TBC1D21: variants seen among roughly 807,000 people sequenced by gnomAD.
TBC1D21 encodes TBC1 domain family member 21.
A neutral mutation model predicts 46.0 loss-of-function variants in TBC1D21; 38 were observed. That is an observed-to-expected ratio of 0.83 (90% confidence interval 0.64 to 1.08). The LOEUF is 1.08. Ranked by LOEUF, TBC1D21 falls within the 50% of genes least tolerant of loss-of-function variation. The probability of loss-of-function intolerance (pLI) is 0.00; values close to 1 mark genes in which losing one functional copy is unlikely to be tolerated. For synonymous variants in TBC1D21, 151 were observed against 157.2 expected (o/e 0.96, Z 0.29); for missense variants, 415 against 417.9 (o/e 0.99, Z 0.06).
chr15:73,886,694 C>G, intron 8 of TBC1D21, 82 bp downstream of exon 8: 4 of 1,314,486 alleles, frequency 3.0e-6, no homozygotes, highest in Non-Finnish European at 4.4e-6. Context: ...TTGCCTCCCC[C>G]TTTCTTCCTG....
chr15:73,896,636 G>A, the TBC1D21 span, among the ~76,000 whole-genome samples: 1 of 152,126 alleles, frequency 6.6e-6, no homozygotes, highest in Non-Finnish European at 1.5e-5. Context: ...AGAGATACAA[G>A]GTCTGTTGTG....
intron 6 of TBC1D21, among the ~76,000 whole-genome samples, chr15:73,885,805 T>TACAC (rs1222395214): frequency 5.8e-4 from 62 of 106,994 alleles, no homozygotes; most frequent in African/African-American, 1.9e-3. Flanking sequence ...GAATCTCTAC[T>TACAC]ACACACACAT....
At chr15:73,903,428 C>T in the TBC1D21 span, among the ~76,000 whole-genome samples, 1 of 152,208 alleles carries the variant, frequency 6.6e-6, no homozygotes, top group African/African-American at 2.4e-5. Flanking sequence ...CTGTTCTGTA[C>T]ACTCAGAGGG....
chr15:73,875,606 C>G (rs2068046917), intron 1 of TBC1D21, among the ~76,000 whole-genome samples: 1 of 152,154 alleles, frequency 6.6e-6, no homozygotes, highest in Non-Finnish European at 1.5e-5. Flanking sequence ...CACTTCTGGT[C>G]CCCTTCCCCA....
chr15:73,888,578 CCTCTTCCTCCTCCTCCTCCTCCTCCT>C (rs2068297141), intron 10 of TBC1D21, 65 bp downstream of exon 10: 2 of 1,057,862 alleles, frequency 1.9e-6, no homozygotes, highest in African/African-American at 3.7e-5. Flanking sequence ...TCCTCCTCCT[CCTCTTCCTCCTCCTCCTCCTCCTCCT>C]CTTCTTCCTC....
intron 1 of TBC1D21, among the ~76,000 whole-genome samples, chr15:73,880,788 A>G (rs937098456): frequency 1.3e-5 from 2 of 152,216 alleles, no homozygotes; most frequent in African/African-American, 2.4e-5. Context: ...AAAATACAAG[A>G]AAAAGGATAA....
chr15:73,881,060 T>C (rs2141561407), intron 1 of TBC1D21, among the ~76,000 whole-genome samples: 1 of 152,350 alleles, frequency 6.6e-6, no homozygotes, highest in South Asian at 2.1e-4. Context: ...TGTTAACATT[T>C]GTATTTTTTC....
chr15:73,899,077 G>A, the TBC1D21 span, among the ~76,000 whole-genome samples: 16 of 151,766 alleles, frequency 1.1e-4, no homozygotes, highest in African/African-American at 2.7e-4. Context: ...TCAGAAGCGC[G>A]TGTGGCTAGC....
At chr15:73,899,853 A>G in the TBC1D21 span, among the ~76,000 whole-genome samples, 2 of 152,304 alleles carry the variant, frequency 1.3e-5, no homozygotes, top group Non-Finnish European at 2.9e-5. Flanking sequence ...AAACATAGGC[A>G]GGAACGCAGA....
intron 1 of TBC1D21, among the ~76,000 whole-genome samples, chr15:73,874,679 A>G (rs1360474748): frequency 6.6e-6 from 1 of 151,720 alleles, no homozygotes; most frequent in African/African-American, 2.4e-5. Context: ...ATTAGCACCA[A>G]CTGGGAACTT....
chr15:73,900,380 C>T, the TBC1D21 span, among the ~76,000 whole-genome samples: 4 of 152,232 alleles, frequency 2.6e-5, no homozygotes, highest in South Asian at 2.1e-4. Flanking sequence ...TAACCATGCA[C>T]GGCAGTCCTG....
downstream of TBC1D21, among the ~76,000 whole-genome samples, chr15:73,892,985 G>A (rs2068349448): frequency 1.3e-5 from 2 of 152,198 alleles, no homozygotes; most frequent in Admixed American, 6.5e-5. Flanking sequence ...GAGGTGTGAT[G>A]TCATTTATGA....
chr15:73,890,920 C>T (rs1165774523), downstream of TBC1D21, among the ~76,000 whole-genome samples: 1 of 152,104 alleles, frequency 6.6e-6, no homozygotes, highest in Non-Finnish European at 1.5e-5. Context: ...GTGTTATCTG[C>T]AAGGAGCCTC....
At position 73,881,499 on chromosome 15, in the gene TBC1D21, T is replaced by C. The variant is rs754017631; in HGVS notation, c.161T>C (p.Leu54Pro). The C allele has an allele frequency of 1.2e-5, 19 of 1,613,968 alleles. No individual in the cohort carries two copies. The highest frequency in any genetic ancestry group is 1.5e-5 in the Non-Finnish European group (18 of 1,179,952). ...KSRDFICVNI[L>P]ERGLHPFVRT... ...CGGGACTTCATTTGTGTTAACATCC[T>C]GGAAAGGGTGGGTCCCCAAGCTACC... is the stretch of plus-strand genomic sequence containing the variant. The change falls in exon 2 of 11, where the codon CTG (leucine) becomes CCG (proline). Residue 54 changes from leucine to proline, a missense_variant. By Grantham distance (98) the Leu-to-Pro change is moderately conservative (BLOSUM62 -3). Transcript: ENST00000300504.
At chr15:73,874,787 A>G (rs2068028801) in intron 1 of TBC1D21, among the ~76,000 whole-genome samples, 1 of 152,248 alleles carries the variant, frequency 6.6e-6, no homozygotes, top group Admixed American at 6.5e-5. Flanking sequence ...CCTCCAGGGC[A>G]CTGTGATGCA....
At chr15:73,885,142 AC>A (rs761853084) in intron 6 of TBC1D21, 39 bp downstream of exon 6, 16 of 1,544,690 alleles carry the variant, frequency 1.0e-5, no homozygotes, top group Admixed American at 1.0e-4. Flanking sequence ...CCCCTCCCCA[AC>A]CCCCCACTAC....
At chr15:73,888,370 A>G in intron 9 of TBC1D21, 60 bp from the exon 10 acceptor site, 1 of 1,446,738 alleles carries the variant, frequency 6.9e-7, no homozygotes, top group Non-Finnish European at 9.6e-7. Context: ...CATGTGCCCA[A>G]GAGTGCTGGG....
rs755555329 is a variant in TBC1D21 at position 73,876,250 on chromosome 15, C to T, written c.60+2481C>T. Among the ~76,000 whole-genome samples the T allele has an allele frequency of 4.6e-3, 172 of 37,608 alleles. 5 individuals are homozygous for T. The East Asian group carries it at 0.16, about 35-fold the overall frequency. The allele number at this position is 37,608 out of a possible 152,430, so 24.7% of individuals were successfully genotyped here. A position where few individuals can be genotyped will look rare whatever the true frequency, so the allele number is the denominator to read the frequency against. ...TTTTTTTTTTTTTTTTTTTTTGAGA[C>T]GGAGTCTTGCTCTGTCACCCAGGCT... On this transcript the variant is annotated intron_variant, in intron 1 of 10. Transcript: ENST00000300504.
intron 1 of TBC1D21, among the ~76,000 whole-genome samples, chr15:73,875,382 T>C (rs1380371976): frequency 6.6e-6 from 1 of 151,872 alleles, no homozygotes; most frequent in Non-Finnish European, 1.5e-5. Context: ...CCCTGGGCTT[T>C]ATTGGAGGTT....
Sources: gnomAD v4.1 joint callset for allele counts (sites outside exome capture counted in the v4.1 genomes callset) on GRCh38, gnomAD v4.1.1 for gene constraint, MANE v1.5 for transcripts, NCBI Gene and HGNC (gene_info 2026-07-23, HGNC 2026-07-21) for gene names.